Variants in FGD4 observed in about 807,000 individuals in gnomAD.
FGD4 encodes the protein FYVE, RhoGEF and PH domain-containing protein 4.
In FGD4, 42 loss-of-function variants were observed where a neutral mutation model predicts 102.0. The ratio of observed to expected loss-of-function variants is 0.41; its 90% confidence interval spans 0.32 to 0.53. The LOEUF is 0.53. Among genes scored for constraint, FGD4 ranks in the 20% least tolerant of loss-of-function variants. FGD4 has a pLI of 0.21. For synonymous variants in FGD4, 380 were observed against 375.7 expected (o/e 1.01, Z -0.13); for missense variants, 902 against 1,078.2 (o/e 0.84, Z 2.29).
chr12:32,426,275 G>C (rs949913335), intron 1 of FGD4, among the ~76,000 whole-genome samples: 5 of 152,076 alleles, frequency 3.3e-5, no homozygotes, highest in African/African-American at 4.8e-5. Flanking sequence ...TAGCATAAAG[G>C]GGTGTTGAAT....
intron 4 of FGD4, among the ~76,000 whole-genome samples, chr12:32,596,611 T>C (rs999683279): frequency 1.3e-5 from 2 of 152,058 alleles, no homozygotes; most frequent in Admixed American, 6.6e-5. Flanking sequence ...TAGAATTTTC[T>C]TTTCTCTTTA....
rs1423844006 is a variant in FGD4, at chr12:32,544,805, T to C, written c.167-19332T>C. Among the ~76,000 whole-genome samples, 2 of 152,224 alleles carry C rather than the reference T, an allele frequency of 1.3e-5. No individual in the cohort carries two copies. The highest frequency in any genetic ancestry group is 2.4e-5 in the African/African-American group (1 of 41,462). ...ACTTTAGCTTACCAGCTGAAAATTA[T>C]GGAATTCATTTCATATAGCTTCCAC... On this transcript the variant is annotated intron_variant, in intron 1 of 16. Transcript: ENST00000534526. This position sits in a 1 kb window ranked among gnomAD's most constrained non-coding sequence, Gnocchi z 4.1.
At chr12:32,471,245 C>T (rs1248936628) in intron 1 of FGD4, among the ~76,000 whole-genome samples, 1 of 152,116 alleles carries the variant, frequency 6.6e-6, no homozygotes, top group African/African-American at 2.4e-5. Flanking sequence ...GCACTGGCAT[C>T]CCTGGGCCTC....
intron 1 of FGD4, among the ~76,000 whole-genome samples, chr12:32,459,161 T>C (rs1943029261): frequency 6.6e-6 from 1 of 151,724 alleles, no homozygotes; most frequent in African/African-American, 2.4e-5. Flanking sequence ...GGTTGGCAAA[T>C]TGTGTTTATT....
In FGD4 at chr12:32,441,220, GC is replaced by G. The variant is rs1465438906; in HGVS notation, c.166+41264del. Among the ~76,000 whole-genome samples the G allele has an allele frequency of 3.3e-5, 5 of 152,246 alleles. No individual in the cohort carries two copies. The East Asian group carries it at 9.7e-4, about 30-fold the overall frequency. On this transcript the variant is annotated intron_variant, in intron 1 of 16. Transcript: ENST00000534526. ...TCTGCTTTTCTCAAGCAGCAGTTTT[GC>G]CCTGTAGCTGTCACATCTGGTAATG...
chr12:32,456,753 A>T (rs1024033439), intron 1 of FGD4, among the ~76,000 whole-genome samples: 14 of 152,226 alleles, frequency 9.2e-5, no homozygotes, highest in African/African-American at 3.4e-4. Flanking sequence ...TAGAAAAATT[A>T]GAGCTGCTGT....
chr12:32,594,748 T>C (rs200711855), intron 4 of FGD4, among the ~76,000 whole-genome samples: 1 of 151,600 alleles, frequency 6.6e-6, no homozygotes, highest in African/African-American at 2.4e-5. Flanking sequence ...AAAAGCAAAA[T>C]AGGCCTGGCA....
chr12:32,417,146 G>A (rs770695684), intron 1 of FGD4, among the ~76,000 whole-genome samples: 1 of 151,928 alleles, frequency 6.6e-6, no homozygotes, highest in Admixed American at 6.6e-5. Flanking sequence ...CACCCACCTC[G>A]TCCTCCCAAA....
chr12:32,480,790 C>T (rs1037566672), intron 1 of FGD4, among the ~76,000 whole-genome samples: 74 of 149,422 alleles, frequency 5.0e-4, no homozygotes, highest in African/African-American at 1.5e-3. Flanking sequence ...TGAGCCACCA[C>T]GCCCGGCCTT....
chr12:32,552,807 C>T lies in FGD4; in HGVS notation c.167-11330C>T, dbSNP rs1195328176. Among the ~76,000 whole-genome samples the T allele has an allele frequency of 2.7e-5, 4 of 148,500 alleles. No individual in the cohort carries two copies. The South Asian group carries it at 6.4e-4, about 24-fold the overall frequency. On this transcript the variant is annotated intron_variant, in intron 1 of 16. Coordinates refer to ENST00000534526, the MANE Select transcript of FGD4 (RefSeq NM_001370298.3). ...ACCTTTTTTTTTTTTGACAGAGTTT[C>T]GCTCTTGTTGCCTAGGCTGGAGTGC...
At chr12:32,615,131 GT>G (rs1949371070) in intron 10 of FGD4, among the ~76,000 whole-genome samples, 2 of 152,150 alleles carry the variant, frequency 1.3e-5, no homozygotes, top group Non-Finnish European at 2.9e-5. Flanking sequence ...CAATGAAATA[GT>G]ATATGTCGAG....
chr12:32,485,703 C>G (rs1265275804), intron 1 of FGD4, among the ~76,000 whole-genome samples: 1 of 152,078 alleles, frequency 6.6e-6, no homozygotes, highest in Non-Finnish European at 1.5e-5. Context: ...CTAGGCCTCC[C>G]AGAGTGCTGG....
chr12:32,435,194 T>C (rs2651361), intron 1 of FGD4, among the ~76,000 whole-genome samples: 60,336 of 151,932 alleles, frequency 0.4, 12,608 homozygotes, highest in African/African-American at 0.51. Context: ...CCGCCCACCT[T>C]GGCCTCCCAA....
At chr12:32,538,012 C>A (rs1162240861) in intron 1 of FGD4, among the ~76,000 whole-genome samples, 2 of 152,172 alleles carry the variant, frequency 1.3e-5, no homozygotes, top group East Asian at 3.9e-4. Context: ...CCTCCCACCT[C>A]AGCCTCCACA....
chr12:32,441,347 T>C (rs975632710), intron 1 of FGD4, among the ~76,000 whole-genome samples: 7 of 152,046 alleles, frequency 4.6e-5, no homozygotes, highest in Non-Finnish European at 8.8e-5. Flanking sequence ...TAAAGTCTCT[T>C]CACTTTGCTG....
In FGD4 at chr12:32,625,020, C is replaced by A; in HGVS notation, c.1998C>A (p.Thr666=). 1 of 1,613,402 alleles carries A rather than the reference C, an allele frequency of 6.2e-7. No homozygotes were observed. The highest frequency in any genetic ancestry group is 1.1e-5 in the South Asian group (1 of 91,056). The change falls in exon 13 of 17, where the codon ACC becomes ACA. Residue 666 remains threonine, a synonymous_variant. Coordinates refer to ENST00000534526, the MANE Select transcript of FGD4 (RefSeq NM_001370298.3). ...TIDAFHQRHE[T]FRNAIAKDND... is the part of the protein sequence containing the mutation. ...ATGCTTTTCATCAAAGGCATGAAAC[C>A]TTCAGAAATGCAATTGCAAAGGATA...
chr12:32,592,818 A>G (rs1189697364), intron 4 of FGD4, among the ~76,000 whole-genome samples: 2 of 152,200 alleles, frequency 1.3e-5, no homozygotes, highest in Admixed American at 6.5e-5. Flanking sequence ...CCTAATAATT[A>G]CTAAAATGCT....
chr12:32,476,556 C>T (rs979098195), intron 1 of FGD4, among the ~76,000 whole-genome samples: 1 of 152,172 alleles, frequency 6.6e-6, no homozygotes, highest in African/African-American at 2.4e-5. Flanking sequence ...TTGACCTTCT[C>T]ACAATGTGGC....
chr12:32,560,479 C>T (rs967660662), intron 1 of FGD4, among the ~76,000 whole-genome samples: 9 of 152,130 alleles, frequency 5.9e-5, no homozygotes, highest in Non-Finnish European at 1.3e-4. Context: ...TGGTCTCAAA[C>T]TCCTGGGCTT....
Sources: allele counts gnomAD v4.1 joint callset (sites outside exome capture counted in the v4.1 genomes callset), GRCh38; gene constraint gnomAD v4.1.1; non-coding constraint Gnocchi (gnomAD v3.1); transcripts MANE v1.5; gene names NCBI Gene and HGNC (gene_info 2026-07-23, HGNC 2026-07-21).